Variants in CCDC125 observed in about 807,000 individuals in gnomAD.
The protein encoded by CCDC125 is coiled-coil domain containing 125.
CCDC125 carries 43 observed loss-of-function variants against 57.4 expected under a neutral mutation model. The observed-to-expected ratio is 0.75, with a 90% confidence interval of 0.59 to 0.97. The LOEUF (loss-of-function observed/expected upper bound fraction) is 0.97, where lower values mean the gene tolerates loss of function less well. CCDC125 is among the 50% of genes least tolerant of loss of function. The probability of loss-of-function intolerance (pLI) is 0.00; values close to 1 mark genes in which losing one functional copy is unlikely to be tolerated. For synonymous variants in CCDC125, 187 were observed against 195.2 expected, an observed-to-expected ratio of 0.96 and a Z score of 0.35; for missense variants, 563 against 595.7, an observed-to-expected ratio of 0.95 and a Z score of 0.57.
At chr5:69,290,539 G>T (rs777952421) in intron 10 of CCDC125, among the ~76,000 whole-genome samples, 27 of 150,310 alleles carry the variant, frequency 1.8e-4, no homozygotes, top group Non-Finnish European at 8.9e-5. Flanking sequence ...CTGACCTCAG[G>T]TGATCTGCCT....
Position 69,307,966 on chromosome 5 carries a change from G to A in CCDC125, c.516C>T (p.Asn172=), listed in dbSNP as rs1757598309. 6.2e-7 allele frequency: 1 copy of A among 1,613,474 alleles called. No individual in the cohort carries two copies. Among genetic ancestry groups the A allele is most frequent in the Non-Finnish European group, 8.5e-7 (1 of 1,179,458 alleles). The change falls in exon 5 of 12, where the codon AAC becomes AAT. Residue 172 remains asparagine, a synonymous_variant. Coordinates refer to ENST00000396496, the MANE Select transcript of CCDC125 (RefSeq NM_176816.5). ...QAVLQKTMEQ[N]RSLEKEINAL... ...CACCAAATACCTTCTCCAAGGATCT[G>A]TTTTGTTCCATAGTTTTTTGAAGCA...
At chr5:69,299,867 C>T (rs2150409133) in intron 8 of CCDC125, 145 bp downstream of exon 8, 1 of 671,896 alleles carries the variant, frequency 1.5e-6, no homozygotes, top group East Asian at 2.5e-5. Flanking sequence ...CTGGAAGAAC[C>T]AACCTGGGCC....
At chr5:69,274,709 A>G in the CCDC125 span, among the ~76,000 whole-genome samples, 1 of 151,928 alleles carries the variant, frequency 6.6e-6, no homozygotes, top group Non-Finnish European at 1.5e-5. Context: ...TCTACCTCCC[A>G]GGTACAAGCG....
intron 1 of CCDC125, among the ~76,000 whole-genome samples, chr5:69,327,839 A>C (rs545513097): frequency 1.1e-4 from 17 of 152,340 alleles, no homozygotes; most frequent in African/African-American, 3.8e-4. Context: ...GAGCTCTAAA[A>C]TTGTTTCTGT....
chr5:69,296,207 G>A (rs1442491319), intron 8 of CCDC125, among the ~76,000 whole-genome samples: 1 of 151,854 alleles, frequency 6.6e-6, no homozygotes, highest in Admixed American at 6.6e-5. Flanking sequence ...TTTGGAATCT[G>A]TGGCTCCTTG....
chr5:69,331,324 C>T (rs1190894163), intron 1 of CCDC125, among the ~76,000 whole-genome samples: 1 of 151,778 alleles, frequency 6.6e-6, no homozygotes, highest in African/African-American at 2.4e-5. Context: ...CCTAGACCTC[C>T]TGGGTTCAAG....
downstream of CCDC125, among the ~76,000 whole-genome samples, chr5:69,278,362 C>T (rs1169606080): frequency 1.4e-5 from 2 of 147,746 alleles, no homozygotes; most frequent in African/African-American, 2.5e-5. Context: ...TGTGCCACCA[C>T]GCCTGGCTAA....
chr5:69,276,489 T>C, downstream of CCDC125: 1 of 1,534,264 alleles, frequency 6.5e-7, no homozygotes, highest in Non-Finnish European at 9.0e-7. Context: ...AGATTTTCCT[T>C]AACACATTTC....
intron 2 of CCDC125, 69 bp downstream of exon 2, chr5:69,320,168 T>A: frequency 7.7e-7 from 1 of 1,306,608 alleles, no homozygotes; most frequent in Non-Finnish European, 1.1e-6. Context: ...TTATTTTAGA[T>A]TTTGGAAGGG....
chr5:69,286,867 C>CA (rs1218711076), intron 10 of CCDC125, among the ~76,000 whole-genome samples: 1 of 151,796 alleles, frequency 6.6e-6, no homozygotes, highest in Non-Finnish European at 1.5e-5. Context: ...AAACAGAAGT[C>CA]AGAGAAACTG....
chr5:69,298,172 C>A (rs564378730), intron 8 of CCDC125, among the ~76,000 whole-genome samples: 3 of 151,860 alleles, frequency 2.0e-5, no homozygotes, highest in Non-Finnish European at 4.4e-5. Context: ...TACGCCACTA[C>A]GCCCAGCTAA....
chr5:69,278,425 G>A (rs1020340704), downstream of CCDC125, among the ~76,000 whole-genome samples: 2 of 150,470 alleles, frequency 1.3e-5, no homozygotes, highest in Non-Finnish European at 1.5e-5. Context: ...ATATTGGCCA[G>A]GCTGGTCTCG....
chr5:69,302,344 C>T (rs1756600946), intron 7 of CCDC125, among the ~76,000 whole-genome samples: 1 of 127,344 alleles, frequency 7.9e-6, no homozygotes, highest in South Asian at 2.7e-4. Context: ...ATCACCTGAA[C>T]TGGGAGGTGG....
chr5:69,307,942 AC>A lies in CCDC125; in HGVS notation c.531+8del. 6.2e-7 allele frequency: 1 copy of A among 1,607,230 alleles called. No homozygotes were observed. Among genetic ancestry groups the A allele is most frequent in the Non-Finnish European group, 8.5e-7 (1 of 1,173,764 alleles). On this transcript the variant is annotated splice_region_variant and intron_variant, in intron 5 of 11. Coordinates refer to ENST00000396496, the MANE Select transcript of CCDC125 (RefSeq NM_176816.5). ...GATTCAATAAGTCTACACTAAAAGC[AC>A]CAAATACCTTCTCCAAGGATCTGTT...
chr5:69,302,727 A>G (rs1452037815), intron 7 of CCDC125, among the ~76,000 whole-genome samples: 2 of 152,042 alleles, frequency 1.3e-5, no homozygotes, highest in Non-Finnish European at 2.9e-5. Flanking sequence ...CTGTCTCAAA[A>G]AAAAAAAAAG....
chr5:69,317,095 G>A (rs1484705468), intron 2 of CCDC125, among the ~76,000 whole-genome samples: 21 of 151,910 alleles, frequency 1.4e-4, no homozygotes, highest in Non-Finnish European at 1.0e-4. Flanking sequence ...TGCAACCTCC[G>A]CCTCCCAGGT....
In CCDC125 at chr5:69,292,156, AC is replaced by A. The variant is rs1754556053; in HGVS notation, c.1099+31del. ...TTATAAACAAAACAACTAAAATTACACCCACTTATTGCCATTATAATTCATA... is the reference window on the plus strand; with the variant it reads ...TTATAAACAAAACAACTAAAATTACACCACTTATTGCCATTATAATTCATA... On this transcript the variant is annotated intron_variant, in intron 10 of 11. Coordinates refer to ENST00000396496, the MANE Select transcript of CCDC125 (RefSeq NM_176816.5). The A allele has an allele frequency of 1.3e-6, 2 of 1,546,584 alleles. 1 individual carries two copies. Among genetic ancestry groups the A allele is most frequent in the South Asian group, 2.4e-5 (2 of 84,124 alleles).
intron 3 of CCDC125, chr5:69,313,289 T>G (rs1758458127): frequency 1.6e-6 from 1 of 627,152 alleles, no homozygotes; most frequent in Non-Finnish European, 2.8e-6. Context: ...GCCCCTCCTA[T>G]CTGGCAGGAA....
In CCDC125 at chr5:69,292,175, A is replaced by T. The variant is rs1754559821; in HGVS notation, c.1099+13T>A. 1.3e-6 allele frequency: 2 copies of T among 1,598,030 alleles called. No individual in the cohort carries two copies. Among genetic ancestry groups the T allele is most frequent in the East Asian group, 4.5e-5 (2 of 44,694 alleles). On this transcript the variant is annotated intron_variant, in intron 10 of 11. Coordinates refer to ENST00000396496, the MANE Select transcript of CCDC125 (RefSeq NM_176816.5). ...AATTACACCCACTTATTGCCATTAT[A>T]ATTCATAGTTACCATCCTCTTTAAG...
Sources: gnomAD v4.1 joint callset for allele counts (sites outside exome capture counted in the v4.1 genomes callset) on GRCh38, gnomAD v4.1.1 for gene constraint, MANE v1.5 for transcripts, NCBI Gene and HGNC (gene_info 2026-07-23, HGNC 2026-07-21) for gene names.